The following CLASP1 variants were observed in gnomAD, a reference collection of about 807,000 sequenced individuals.
CLASP1 encodes cytoplasmic linker associated protein 1, also known as CLIP-associating protein 1.
A neutral mutation model predicts 192.3 loss-of-function variants in CLASP1; 38 were observed. That is an observed-to-expected ratio of 0.20 (90% CI 0.15 to 0.26). The LOEUF (loss-of-function observed/expected upper bound fraction) is 0.26. Ranked by LOEUF, CLASP1 falls within the 10% of genes least tolerant of loss-of-function variation. The pLI is 1.00. For missense variants in CLASP1, 1,433 were observed against 1,932.5 expected (o/e 0.74, Z 4.85); for synonymous variants, 691 against 712.8 (o/e 0.97, Z 0.49).
intron 29 of CLASP1, 139 bp downstream of exon 30, chr2:121,398,183 A>G: frequency 1.5e-6 from 1 of 664,506 alleles, no homozygotes. Flanking sequence ...AGAAACAGGA[A>G]CATGTCCACA....
intron 2 of CLASP1, among the ~76,000 whole-genome samples, chr2:121,581,866 C>G (rs2105581456): frequency 6.6e-6 from 1 of 152,250 alleles, no homozygotes; most frequent in East Asian, 1.9e-4. Context: ...AACTGGACGA[C>G]AAAGCGAGAT....
chr2:121,549,110 G>T (rs1414001740), intron 2 of CLASP1, among the ~76,000 whole-genome samples: 5 of 152,164 alleles, frequency 3.3e-5, no homozygotes, highest in African/African-American at 1.2e-4. Context: ...ATGTAAATGG[G>T]CTAAATGCCC....
At chr2:121,347,414 A>T (rs1400552624) in intron 38 of CLASP1, among the ~76,000 whole-genome samples, 2 of 152,228 alleles carry the variant, frequency 1.3e-5, no homozygotes, top group Admixed American at 1.3e-4. Flanking sequence ...CTGAGTCTGC[A>T]CAGGTATCAC....
At chr2:121,614,655 T>A (rs1576481880) in intron 1 of CLASP1, among the ~76,000 whole-genome samples, 2 of 152,220 alleles carry the variant, frequency 1.3e-5, no homozygotes, top group East Asian at 3.8e-4. Flanking sequence ...AGCGAATATA[T>A]TCATATACCC....
chr2:121,642,983 C>T (rs1483877901), intron 1 of CLASP1, among the ~76,000 whole-genome samples: 1 of 152,140 alleles, frequency 6.6e-6, no homozygotes, highest in Non-Finnish European at 1.5e-5. Flanking sequence ...CATATTATTG[C>T]TACATTATTG....
intron 5 of CLASP1, among the ~76,000 whole-genome samples, chr2:121,527,077 G>A (rs540523839): frequency 6.6e-6 from 1 of 152,310 alleles, no homozygotes; most frequent in South Asian, 2.1e-4. Flanking sequence ...GGAAAAACTT[G>A]GCAGTACCTT....
At chr2:121,454,378 C>A (rs1285495341) in intron 14 of CLASP1, among the ~76,000 whole-genome samples, 1 of 152,168 alleles carries the variant, frequency 6.6e-6, no homozygotes, top group African/African-American at 2.4e-5. Context: ...CACTGGTCTA[C>A]AGGCCAGGAC....
At chr2:121,472,332 G>C (rs775418395) in intron 8 of CLASP1, among the ~76,000 whole-genome samples, 2 of 152,134 alleles carry the variant, frequency 1.3e-5, no homozygotes, top group African/African-American at 2.4e-5. Context: ...GCAATAAATA[G>C]CTAGAAAACC....
chr2:121,572,207 T>C (rs530827791), intron 2 of CLASP1, among the ~76,000 whole-genome samples: 2 of 152,168 alleles, frequency 1.3e-5, no homozygotes, highest in East Asian at 3.9e-4. Context: ...GGCGGGTGGA[T>C]CACGAGATCA....
chr2:121,628,413 C>T (rs2068787755), intron 1 of CLASP1, among the ~76,000 whole-genome samples: 1 of 152,140 alleles, frequency 6.6e-6, no homozygotes, highest in Admixed American at 6.6e-5. Flanking sequence ...CGATGGCTTA[C>T]ACCTGTAATC....
intron 2 of CLASP1, among the ~76,000 whole-genome samples, chr2:121,558,468 A>G (rs2058774830): frequency 6.6e-6 from 1 of 152,236 alleles, no homozygotes; most frequent in South Asian, 2.1e-4. Context: ...GGACTGTGTC[A>G]TGAGGGCTCT....
At chr2:121,376,801 G>A (rs896322315) in intron 34 of CLASP1, among the ~76,000 whole-genome samples, 1 of 152,116 alleles carries the variant, frequency 6.6e-6, no homozygotes, top group Non-Finnish European at 1.5e-5. Flanking sequence ...ATTCTCATAG[G>A]AGCGTCAACT....
At chr2:121,413,038 G>T (rs1298941754) in intron 23 of CLASP1, among the ~76,000 whole-genome samples, 1 of 152,102 alleles carries the variant, frequency 6.6e-6, no homozygotes, top group Non-Finnish European at 1.5e-5. Flanking sequence ...TGGGTAAATC[G>T]CTTGAGCCCA....
At chr2:121,449,026 G>C in exon 17 of CLASP1, 1 of 1,613,960 alleles carries the variant, frequency 6.2e-7, no homozygotes, top group Non-Finnish European at 8.5e-7. Context: ...GAGTTCTTCA[G>C]GTGGGACTGC....
In CLASP1 at chr2:121,340,791, G is replaced by T. The variant is rs1052817799; in HGVS notation, c.*70C>A. 3.1e-5 allele frequency: 36 copies of T among 1,162,942 alleles called. No homozygotes were observed. The South Asian group carries it at 4.2e-4, about 14-fold the overall frequency. 72.0% of individuals were successfully genotyped at this position (1,162,942 alleles called of 1,614,324 possible). On this transcript the variant is annotated 3_prime_UTR_variant, in exon 40 of 40. Transcript: ENST00000263710. ...TGTACTGACTGGGCAGCCGATGAAG[G>T]GGGTGGGGAAAGGTCTCTGAGAGGC...
At chr2:121,339,390 C>T (rs1045838678) in exon 40 of CLASP1, 3 of 152,174 alleles carry the variant, frequency 2.0e-5, no homozygotes, top group Non-Finnish European at 2.9e-5. Flanking sequence ...ATAGCAAATA[C>T]GTTATTAGAA....
At chr2:121,552,886 C>T (rs952753560) in intron 2 of CLASP1, among the ~76,000 whole-genome samples, 6 of 152,186 alleles carry the variant, frequency 3.9e-5, no homozygotes, top group African/African-American at 1.4e-4. Flanking sequence ...AAGACACATG[C>T]ATGTGTATGT....
chr2:121,419,453 T>TAC (rs1401886536), intron 22 of CLASP1, among the ~76,000 whole-genome samples: 1 of 152,224 alleles, frequency 6.6e-6, no homozygotes, highest in African/African-American at 2.4e-5. Context: ...GCCTGTGCTC[T>TAC]ACCAAGCACC....
intron 9 of CLASP1, among the ~76,000 whole-genome samples, chr2:121,464,717 G>GT (rs1470057358): frequency 6.6e-6 from 1 of 151,942 alleles, no homozygotes; most frequent in African/African-American, 2.4e-5. Flanking sequence ...TTGTAAATTT[G>GT]TTTGAGTTCA....
Sources: allele counts gnomAD v4.1 joint callset (sites outside exome capture counted in the v4.1 genomes callset), GRCh38; gene constraint gnomAD v4.1.1; transcripts MANE v1.5; gene names NCBI Gene and HGNC (gene_info 2026-07-23, HGNC 2026-07-21).